The following THSD7B variants were observed in gnomAD, a reference collection of about 807,000 sequenced individuals.
THSD7B encodes the protein thrombospondin type-1 domain-containing protein 7B.
In THSD7B, 138 loss-of-function variants were observed where a neutral mutation model predicts 213.6. The ratio of observed to expected loss-of-function variants is 0.65; its 90% CI spans 0.56 to 0.74. THSD7B has a LOEUF of 0.74. Ranked by LOEUF, THSD7B falls within the 30% of genes least tolerant of loss-of-function variation. THSD7B has a pLI of 0.00. For missense variants in THSD7B, 1,931 were observed against 1,991.5 expected (o/e 0.97, Z 0.58); for synonymous variants, 742 against 687.0 (o/e 1.08, Z -1.25).
intron 10 of THSD7B, among the ~76,000 whole-genome samples, chr2:137,252,445 G>A (rs1035946123): frequency 2.0e-5 from 3 of 152,032 alleles, no homozygotes; most frequent in African/African-American, 7.2e-5. Context: ...GGGATTATAG[G>A]CATGAGCCAC....
chr2:137,540,397 A>G (rs1349080417), intron 15 of THSD7B, among the ~76,000 whole-genome samples: 1 of 151,624 alleles, frequency 6.6e-6, no homozygotes, highest in Non-Finnish European at 1.5e-5. Context: ...TCTTGGTAAG[A>G]ATTGAGAGAT....
intron 16 of THSD7B, 61 bp from the exon 17 acceptor site, chr2:137,572,345 A>G: frequency 1.9e-6 from 3 of 1,571,920 alleles, no homozygotes; most frequent in Non-Finnish European, 2.6e-6. Context: ...CATCATAACT[A>G]TTTTAAATAT....
chr2:137,582,054 T>C (rs13402675), intron 17 of THSD7B, among the ~76,000 whole-genome samples: 74,044 of 151,564 alleles, frequency 0.49, 18,915 homozygotes, highest in African/African-American at 0.64. Flanking sequence ...TGCAGTGAGC[T>C]AAGATGGCGC....
intron 12 of THSD7B, among the ~76,000 whole-genome samples, chr2:137,397,425 G>T (rs992994233): frequency 1.3e-5 from 2 of 152,014 alleles, no homozygotes; most frequent in African/African-American, 4.8e-5. Flanking sequence ...CACTTAGGAA[G>T]CTTAGTTTGG....
intron 14 of THSD7B, among the ~76,000 whole-genome samples, chr2:137,436,175 GT>G (rs1687286538): frequency 1.3e-5 from 2 of 151,806 alleles, no homozygotes; most frequent in Admixed American, 6.6e-5. Context: ...TATTTAGCTT[GT>G]GTTTTAATTT....
intron 12 of THSD7B, among the ~76,000 whole-genome samples, chr2:137,280,652 A>G (rs1325059153): frequency 6.6e-6 from 1 of 152,154 alleles, no homozygotes; most frequent in African/African-American, 2.4e-5. Flanking sequence ...TCATACTTCA[A>G]GGAGACCCAC....
intron 12 of THSD7B, among the ~76,000 whole-genome samples, chr2:137,378,165 G>A (rs1037506950): frequency 1.3e-5 from 2 of 152,134 alleles, no homozygotes; most frequent in Non-Finnish European, 2.9e-5. Flanking sequence ...GCCTGGTTGC[G>A]ATGAAAGCTC....
At chr2:136,933,189 G>A (rs145626692) in intron 2 of THSD7B, among the ~76,000 whole-genome samples, 269 of 124,110 alleles carry the variant, frequency 2.2e-3, no homozygotes, top group African/African-American at 9.1e-3. Context: ...TGACTGTTTC[G>A]TTTTTCTGTA....
intron 1 of THSD7B, among the ~76,000 whole-genome samples, chr2:136,849,700 C>T (rs1003398631): frequency 6.6e-6 from 1 of 152,090 alleles, no homozygotes; most frequent in African/African-American, 2.4e-5. Context: ...CCTGGGAGGG[C>T]TAATGCACTC....
intron 15 of THSD7B, among the ~76,000 whole-genome samples, chr2:137,541,639 G>T (rs1440782951): frequency 6.6e-6 from 1 of 151,612 alleles, no homozygotes; most frequent in Non-Finnish European, 1.5e-5. Flanking sequence ...TGCATGTCCA[G>T]CTGTAATGTT....
intron 1 of THSD7B, among the ~76,000 whole-genome samples, chr2:136,864,794 C>T (rs952968890): frequency 3.0e-4 from 46 of 152,250 alleles, no homozygotes; most frequent in Admixed American, 2.6e-3. Flanking sequence ...CCTCATTATC[C>T]GCCCACCTTG....
In THSD7B at chr2:136,958,531, C is replaced by T. The variant is rs535126487; in HGVS notation, c.139+76214C>T. Among the ~76,000 whole-genome samples, 239 of 152,272 alleles carry T rather than the reference C, an allele frequency of 1.6e-3. 1 individual carries two copies. Among genetic ancestry groups the T allele is most frequent in the Middle Eastern group, 3.4e-3 (1 of 294 alleles). ...GTCTGAAGACTCAGATTGCTTTTGGCATTTCACTTAAGGGATATTGACCAA... is the reference window on the plus strand; with the variant it reads ...GTCTGAAGACTCAGATTGCTTTTGGTATTTCACTTAAGGGATATTGACCAA... On this transcript the variant is annotated intron_variant, in intron 2 of 27. Transcript: ENST00000409968.
intron 2 of THSD7B, among the ~76,000 whole-genome samples, chr2:136,944,402 T>G (rs957962723): frequency 1.3e-5 from 2 of 152,238 alleles, no homozygotes; most frequent in African/African-American, 2.4e-5. Flanking sequence ...TTAGGTCTGC[T>G]TGGTGCAGAG....
intron 2 of THSD7B, among the ~76,000 whole-genome samples, chr2:136,939,754 G>A (rs1478412755): frequency 6.6e-6 from 1 of 152,036 alleles, no homozygotes; most frequent in Non-Finnish European, 1.5e-5. Flanking sequence ...CGCTTCACAG[G>A]CACAAATTAT....
intron 15 of THSD7B, among the ~76,000 whole-genome samples, chr2:137,529,183 C>T (rs947350402): frequency 1.3e-5 from 2 of 151,960 alleles, no homozygotes; most frequent in Admixed American, 6.6e-5. Flanking sequence ...AACTGCCTCT[C>T]CTCTCCCACT....
chr2:137,236,982 G>T (rs185992909), intron 9 of THSD7B, among the ~76,000 whole-genome samples: 58 of 152,098 alleles, frequency 3.8e-4, no homozygotes, highest in Non-Finnish European at 6.0e-4. Context: ...GTGGTGGCAG[G>T]CACCTGTAAT....
chr2:137,544,534 A>G lies in THSD7B; in HGVS notation c.3139-18687A>G, dbSNP rs142988353. On this transcript the variant is annotated intron_variant, in intron 15 of 27. Transcript: ENST00000409968. ...CTAGAATTACAGATAGTGGTTATGG[A>G]TGGACAACTTTATGAATATTTATGT... 2.1e-3 allele frequency among the ~76,000 whole-genome samples: 317 copies of G among 151,912 alleles called. 3 individuals are homozygous for G. The highest frequency in any genetic ancestry group is 7.4e-3 in the African/African-American group (309 of 41,498).
intron 15 of THSD7B, among the ~76,000 whole-genome samples, chr2:137,511,242 G>C (rs1176905237): frequency 6.6e-6 from 1 of 151,970 alleles, no homozygotes; most frequent in Non-Finnish European, 1.5e-5. Flanking sequence ...TTAAATTCGA[G>C]AATATTTGGA....
rs567782882 is a variant in THSD7B at position 137,063,386 on chromosome 2, A to G, written c.950+6156A>G. On this transcript the variant is annotated intron_variant, in intron 3 of 27. Coordinates refer to ENST00000409968, the MANE Select transcript of THSD7B (RefSeq NM_001316349.2). ...ATTTTAATTTATTATTTTTTATTTA[A>G]TTTTTAGCTGTTGTAGGTGCATAGT... 1.3e-3 allele frequency among the ~76,000 whole-genome samples: 196 copies of G among 150,998 alleles called. 1 individual carries two copies. In the Middle Eastern group the frequency reaches 0.024, roughly 18 times the overall value.
Sources: gnomAD v4.1 joint callset for allele counts (sites outside exome capture counted in the v4.1 genomes callset) on GRCh38, gnomAD v4.1.1 for gene constraint, MANE v1.5 for transcripts, NCBI Gene and HGNC (gene_info 2026-07-23, HGNC 2026-07-21) for gene names.